Variants in BEND3 observed in about 807,000 individuals in gnomAD.
BEND3 encodes the protein BEN domain-containing protein 3.
BEND3 carries 13 observed loss-of-function variants against 60.1 expected under a neutral mutation model. The ratio of observed to expected loss-of-function variants is 0.22; its 90% CI spans 0.14 to 0.34. The LOEUF is 0.34. Ranked by LOEUF, BEND3 falls within the 10% of genes least tolerant of loss-of-function variation. The pLI, the probability that BEND3 is intolerant of heterozygous loss-of-function variation, is 1.00. For missense variants in BEND3, 896 were observed against 1,138.1 expected (o/e 0.79, Z 3.06); for synonymous variants, 497 against 491.5 (o/e 1.01, Z -0.15).
rs894971340 is a variant in BEND3, at chr6:107,065,964, G to A, written c.*2740C>T. ...GGGGATGCGAACACTCAGTACATTC[G>A]TGACTATCTTCATACATTCTTTAAA... On this transcript the variant is annotated 3_prime_UTR_variant, in exon 4 of 4. Transcript: ENST00000369042. The A allele has an allele frequency of 8.5e-5, 13 of 152,312 alleles. No individual in the cohort carries two copies. The highest frequency in any genetic ancestry group is 1.3e-4 in the Admixed American group (2 of 15,260). 9.4% of individuals were successfully genotyped at this position (152,312 alleles called of 1,614,324 possible). A position where few individuals can be genotyped will look rare whatever the true frequency, so the allele number is the denominator to read the frequency against.
rs782376501 is a variant in BEND3, at chr6:107,069,623, C to T, written c.1568G>A (p.Gly523Asp). The change falls in exon 4 of 4, where the codon GGT (glycine) becomes GAT (aspartate). Residue 523 changes from glycine to aspartate, a missense_variant. Around this residue, in one of 4 missense-constraint regions of BEND3, gnomAD observed 846 missense variants for 1,036.7 expected, o/e 0.82. Coordinates refer to ENST00000369042, the MANE Select transcript of BEND3 (RefSeq NM_001367314.1). ...VEDSFEGERP[G>D]RRSKKIWLVP... ...CAGCCAGATCTTCTTGGAGCGGCGACCCGGCCGCTCGCCCTCGAAGCTGTC... is the reference window on the plus strand; with the variant it reads ...CAGCCAGATCTTCTTGGAGCGGCGATCCGGCCGCTCGCCCTCGAAGCTGTC... The T allele has an allele frequency of 9.3e-6, 15 of 1,611,220 alleles. No individual in the cohort carries two copies. The South Asian group carries it at 1.1e-4, about 12-fold the overall frequency.
At chr6:107,099,953 T>C (rs1476967418) in intron 1 of BEND3, among the ~76,000 whole-genome samples, 2 of 151,996 alleles carry the variant, frequency 1.3e-5, no homozygotes, top group African/African-American at 4.8e-5. Context: ...CATTGCAGCC[T>C]CTGATTCCTG....
chr6:107,072,616 G>C (rs1252432472), intron 3 of BEND3, among the ~76,000 whole-genome samples: 1 of 152,182 alleles, frequency 6.6e-6, no homozygotes, highest in Non-Finnish European at 1.5e-5. Context: ...CAGATCCAGG[G>C]GGAATAGAAA....
Position 107,067,088 on chromosome 6 carries a change from T to A in BEND3, c.*1616A>T, listed in dbSNP as rs1427507774. On this transcript the variant is annotated 3_prime_UTR_variant, in exon 4 of 4. Transcript: ENST00000369042. The stretch of plus-strand genomic sequence containing the variant: ...TTAGATCAGCAACTTAACATTGCTT[T>A]TAAAATCCTGTATTTTAAAAAATGC... The A allele has an allele frequency of 6.6e-6, 1 of 152,228 alleles. No individual in the cohort carries two copies. Among genetic ancestry groups the A allele is most frequent in the African/African-American group, 2.4e-5 (1 of 41,460 alleles). 9.4% of individuals were successfully genotyped at this position (152,228 alleles called of 1,614,324 possible). A position where few individuals can be genotyped will look rare whatever the true frequency, so the allele number is the denominator to read the frequency against.
At chr6:107,082,768 G>A (rs1775260663) in intron 3 of BEND3, among the ~76,000 whole-genome samples, 1 of 152,182 alleles carries the variant, frequency 6.6e-6, no homozygotes, top group Non-Finnish European at 1.5e-5. Context: ...GAGTGGTTCT[G>A]TGCTATGTAA....
chr6:107,098,696 C>T lies in BEND3; in HGVS notation c.95G>A (p.Cys32Tyr), dbSNP rs1554236371. The change falls in exon 3 of 4, where the codon TGC becomes TAC. Residue 32 changes from cysteine to tyrosine, a missense_variant. Coordinates refer to ENST00000369042, the MANE Select transcript of BEND3 (RefSeq NM_001367314.1). ...CTCAGAAGTCCTGGAATTCACGGAG[C>T]AGTCCAGAGCAGCATCTTCAGCCTC... ...ETEAEDAALD[C>Y]SVNSRTSEKH... is the part of the protein sequence containing the mutation. 1.2e-6 allele frequency: 2 copies of T among 1,613,976 alleles called. No homozygotes were observed. The highest frequency in any genetic ancestry group is 2.7e-5 in the African/African-American group (2 of 74,936).
chr6:107,090,175 C>T (rs1395171835), intron 3 of BEND3, among the ~76,000 whole-genome samples: 2 of 151,890 alleles, frequency 1.3e-5, no homozygotes, highest in African/African-American at 4.8e-5. Context: ...ATGGAGAAAC[C>T]CTGTCTCTAC....
intron 1 of BEND3, among the ~76,000 whole-genome samples, chr6:107,112,395 A>C (rs1770124958): frequency 6.6e-6 from 1 of 152,190 alleles, no homozygotes; most frequent in Non-Finnish European, 1.5e-5. Context: ...AAAATGTGTC[A>C]ATATGGCACC....
chr6:107,085,295 G>T (rs1414805196), intron 3 of BEND3, among the ~76,000 whole-genome samples: 1 of 152,112 alleles, frequency 6.6e-6, no homozygotes, highest in African/African-American at 2.4e-5. Context: ...CTTCATTCTT[G>T]AAGTCAGTGA....
intron 3 of BEND3, among the ~76,000 whole-genome samples, chr6:107,074,207 G>A (rs1157513076): frequency 6.6e-6 from 1 of 152,180 alleles, no homozygotes; most frequent in Non-Finnish European, 1.5e-5. Flanking sequence ...CTTGAGGTCA[G>A]GAGTTCGAAA....
In BEND3 at chr6:107,069,913, G is replaced by C. The variant is rs764064624; in HGVS notation, c.1278C>G (p.Arg426=). ...AGCAGCTGTACTGTTCACCCAGCTT[G>C]CGGTGGTCGAAGAGCTCGGGGAAGA... The part of the protein sequence containing the change: ...HRLFPELFDH[R]KLGEQYSCYG... Residue 426 remains arginine, a synonymous_variant, in exon 4 of 4, where the codon CGC becomes CGG. Coordinates refer to ENST00000369042, the MANE Select transcript of BEND3 (RefSeq NM_001367314.1). 4 of 1,613,906 alleles carry C rather than the reference G, an allele frequency of 2.5e-6. No homozygotes were observed. Among genetic ancestry groups the C allele is most frequent in the Non-Finnish European group, 3.4e-6 (4 of 1,180,020 alleles).
At chr6:107,113,369 C>G (rs1770162317) in intron 1 of BEND3, among the ~76,000 whole-genome samples, 1 of 141,946 alleles carries the variant, frequency 7.0e-6, no homozygotes, top group South Asian at 2.3e-4. Flanking sequence ...ACCCGGGAGG[C>G]AGACGTTGCA....
chr6:107,099,512 T>G (rs1441584146), intron 1 of BEND3, among the ~76,000 whole-genome samples: 1 of 152,122 alleles, frequency 6.6e-6, no homozygotes, highest in Non-Finnish European at 1.5e-5. Flanking sequence ...CTCCAAGACT[T>G]TATGTGAGCA....
chr6:107,096,271 GAAGCCAGA>G (rs1775583210), intron 3 of BEND3, among the ~76,000 whole-genome samples: 1 of 152,194 alleles, frequency 6.6e-6, no homozygotes, highest in African/African-American at 2.4e-5. Context: ...ATTATGCTAA[GAAGCCAGA>G]CACATATGGC....
rs531181179 is a variant in BEND3, at chr6:107,095,434, G to A, written c.240+3117C>T. On this transcript the variant is annotated intron_variant, in intron 3 of 3. Coordinates refer to ENST00000369042, the MANE Select transcript of BEND3 (RefSeq NM_001367314.1). Reference sequence around the variant, plus strand: ...CACTGACAACAGCAAATGCTTTCAAGGATGTGGAGCAAGAGGAACTTGTTA... The same window carrying A: ...CACTGACAACAGCAAATGCTTTCAAAGATGTGGAGCAAGAGGAACTTGTTA... Among the ~76,000 whole-genome samples the A allele has an allele frequency of 2.0e-5, 3 of 152,326 alleles. No homozygotes were observed. In the South Asian group the frequency reaches 6.2e-4, roughly 32 times the overall value.
intron 3 of BEND3, among the ~76,000 whole-genome samples, chr6:107,077,990 T>C (rs1554232960): frequency 6.6e-6 from 1 of 152,278 alleles, no homozygotes; most frequent in East Asian, 1.9e-4. Context: ...ATACGGCTCT[T>C]GAACACTGCC....
chr6:107,112,767 C>T (rs1164773192), intron 1 of BEND3, among the ~76,000 whole-genome samples: 4 of 150,916 alleles, frequency 2.7e-5, no homozygotes, highest in African/African-American at 9.8e-5. Flanking sequence ...GCAGGAGAAT[C>T]ACTTGAACCC....
chr6:107,073,201 GTATATATA>G lies in BEND3; in HGVS notation c.241-2259_241-2252del, dbSNP rs782669876. On this transcript the variant is annotated intron_variant, in intron 3 of 3. Transcript: ENST00000369042. ...CTTCCTTCAGGGTTTGTATGTGTATGTATATATATATATATATATATATATATATATAT... is the reference window on the plus strand; with the variant it reads ...CTTCCTTCAGGGTTTGTATGTGTATGTATATATATATATATATATATATAT... Among the ~76,000 whole-genome samples the G allele has an allele frequency of 6.9e-3, 154 of 22,442 alleles. 1 individual carries two copies. The highest frequency in any genetic ancestry group is 0.015 in the Admixed American group (29 of 1,974). The allele number at this position is 22,442 out of a possible 152,430, so 14.7% of individuals were successfully genotyped here.
chr6:107,081,366 G>A (rs1247909728), intron 3 of BEND3, among the ~76,000 whole-genome samples: 1 of 151,624 alleles, frequency 6.6e-6, no homozygotes, highest in African/African-American at 2.4e-5. Context: ...GATTACAGAC[G>A]CCCACCACTA....
Sources: allele counts gnomAD v4.1 joint callset (sites outside exome capture counted in the v4.1 genomes callset), GRCh38; gene constraint gnomAD v4.1.1; regional missense constraint gnomAD v4.1.1; transcripts MANE v1.5; gene names NCBI Gene and HGNC (gene_info 2026-07-23, HGNC 2026-07-21).